PAX3: variants seen among roughly 807,000 people sequenced by gnomAD.
PAX3 encodes paired box protein Pax-3.
In PAX3, 14 loss-of-function variants were observed where a neutral mutation model predicts 51.6. The observed-to-expected ratio is 0.27, with a 90% CI of 0.18 to 0.42. The LOEUF is 0.42. Ranked by LOEUF, PAX3 falls within the 10% of genes least tolerant of loss-of-function variation. PAX3 has a pLI of 1.00. For synonymous variants in PAX3, 280 were observed against 253.4 expected (o/e 1.11, Z -1.00); for missense variants, 540 against 642.8 (o/e 0.84, Z 1.73).
rs45571739 is a variant in PAX3, at chr2:222,271,244, G to A, written c.586+22923C>T. ...TCATAAAGCCATGGTTATATCTGGT[G>A]TAGAACTAGACCTGGGCAGCCTGAT... On this transcript the variant is annotated intron_variant, in intron 4 of 8. Transcript: ENST00000392070. 7.0e-4 allele frequency among the ~76,000 whole-genome samples: 106 copies of A among 152,308 alleles called. No homozygotes were observed. In the Middle Eastern group the frequency reaches 0.017, roughly 24 times the overall value.
chr2:222,271,332 G>C (rs1347145593), intron 4 of PAX3, among the ~76,000 whole-genome samples: 1 of 152,134 alleles, frequency 6.6e-6, no homozygotes, highest in Non-Finnish European at 1.5e-5. Flanking sequence ...TGCAAATCCA[G>C]CTCAACAAGA....
At chr2:222,282,014 A>G (rs1313065095) in intron 4 of PAX3, among the ~76,000 whole-genome samples, 1 of 152,234 alleles carries the variant, frequency 6.6e-6, no homozygotes. Context: ...TGGCAGCAAG[A>G]ACAGTCAAGA....
intron 4 of PAX3, among the ~76,000 whole-genome samples, chr2:222,234,944 G>A (rs1431030743): frequency 2.0e-5 from 3 of 152,062 alleles, no homozygotes; most frequent in African/African-American, 4.8e-5. Flanking sequence ...ACACTCAATA[G>A]CATTTAAAGA....
chr2:222,253,413 A>G (rs931747449), intron 4 of PAX3, among the ~76,000 whole-genome samples: 3 of 152,180 alleles, frequency 2.0e-5, no homozygotes, highest in African/African-American at 7.2e-5. Flanking sequence ...CATTTTAGGC[A>G]TTTTAGAGTA....
intron 4 of PAX3, among the ~76,000 whole-genome samples, chr2:222,289,200 G>T (rs1694940333): frequency 6.6e-6 from 1 of 152,012 alleles, no homozygotes; most frequent in Non-Finnish European, 1.5e-5. Flanking sequence ...GAATCCAATC[G>T]AACGTAAAAC....
At chr2:222,242,026 A>C (rs1307992308) in intron 4 of PAX3, among the ~76,000 whole-genome samples, 3 of 152,256 alleles carry the variant, frequency 2.0e-5, no homozygotes, top group Non-Finnish European at 4.4e-5. Flanking sequence ...AAAAATAAGC[A>C]GATTAAAGTC....
intron 4 of PAX3, among the ~76,000 whole-genome samples, chr2:222,244,719 C>T (rs1433516314): frequency 1.5e-5 from 2 of 132,806 alleles, no homozygotes; most frequent in Admixed American, 8.3e-5. Flanking sequence ...CATAGTCAGA[C>T]AGTATATTGT....
At position 222,260,603 on chromosome 2, in the gene PAX3, T is replaced by G. The variant is rs781007637; in HGVS notation, c.587-28320A>C. On this transcript the variant is annotated intron_variant, in intron 4 of 8. Coordinates refer to ENST00000392070, the MANE Select transcript of PAX3 (RefSeq NM_181458.4). ...GTTTTTTTTTTTTGTTTTTTTTTTT[T>G]TTTTTTGAGGCAAAGTCTCTCTCTG... is the stretch of plus-strand genomic sequence containing the variant. Among the ~76,000 whole-genome samples the G allele has an allele frequency of 5.3e-4, 39 of 73,456 alleles. 1 individual carries two copies. The highest frequency in any genetic ancestry group is 1.2e-3 in the South Asian group (2 of 1,656). The allele number at this position is 73,456 out of a possible 152,430, so 48.2% of individuals were successfully genotyped here. A position where few individuals can be genotyped will look rare whatever the true frequency, so the allele number is the denominator to read the frequency against.
intron 4 of PAX3, chr2:222,265,261 A>C (rs1235989649): frequency 6.6e-6 from 1 of 152,252 alleles, no homozygotes; most frequent in Non-Finnish European, 1.5e-5. Context: ...GTTTCTGGGC[A>C]ACGCCTAGTT....
In PAX3 at chr2:222,297,254, G is replaced by A. The variant is rs1372465213; in HGVS notation, c.86-41C>T. On this transcript the variant is annotated intron_variant, in intron 1 of 8. Coordinates refer to ENST00000392070, the MANE Select transcript of PAX3 (RefSeq NM_181458.4). ...AAAGAGAAGCAAGGGAAAAGTCACT[G>A]GAGGAAAATAAAAAGCAAAGAACAG... The A allele has an allele frequency of 2.1e-6, 3 of 1,438,122 alleles. No individual in the cohort carries two copies. The South Asian group carries it at 3.7e-5, about 18-fold the overall frequency. 89.1% of individuals were successfully genotyped at this position (1,438,122 alleles called of 1,614,324 possible). A position where few individuals can be genotyped will look rare whatever the true frequency, so the allele number is the denominator to read the frequency against.
At chr2:222,267,942 C>T (rs943168330) in intron 4 of PAX3, among the ~76,000 whole-genome samples, 1 of 152,188 alleles carries the variant, frequency 6.6e-6, no homozygotes, top group Admixed American at 6.5e-5. Flanking sequence ...CAGTATATGA[C>T]TGTTTTGTTA....
intron 4 of PAX3, among the ~76,000 whole-genome samples, chr2:222,258,346 TA>T (rs1225432493): frequency 1.3e-5 from 2 of 152,224 alleles, no homozygotes; most frequent in Non-Finnish European, 2.9e-5. Context: ...TTATTATTAT[TA>T]CCCATTATTA....
At chr2:222,212,688 C>T (rs1306498732) in intron 7 of PAX3, among the ~76,000 whole-genome samples, 1 of 151,786 alleles carries the variant, frequency 6.6e-6, no homozygotes, top group Non-Finnish European at 1.5e-5. Flanking sequence ...TAAATCAAGT[C>T]TTCTGTGTCT....
chr2:222,262,248 G>A (rs12617763), intron 4 of PAX3, among the ~76,000 whole-genome samples: 15,804 of 152,134 alleles, frequency 0.1, 999 homozygotes, highest in East Asian at 0.33. Context: ...CATTTTATCA[G>A]TTCTTATGTT....
intron 4 of PAX3, among the ~76,000 whole-genome samples, chr2:222,240,218 C>G (rs1692959610): frequency 6.6e-6 from 1 of 152,124 alleles, no homozygotes; most frequent in South Asian, 2.1e-4. Context: ...CTCCGTTGCT[C>G]CGGAGTTATT....
At chr2:222,260,266 A>G (rs565453998) in intron 4 of PAX3, among the ~76,000 whole-genome samples, 25 of 152,042 alleles carry the variant, frequency 1.6e-4, no homozygotes, top group Middle Eastern at 6.8e-3. Flanking sequence ...AAAAAAAACT[A>G]TAGAAAAATA....
chr2:222,297,379 C>T (rs1051427546), intron 1 of PAX3, among the ~76,000 whole-genome samples, 166 bp from the exon 2 acceptor site: 8 of 152,248 alleles, frequency 5.3e-5, no homozygotes, highest in Non-Finnish European at 8.8e-5. Flanking sequence ...TCCTTTCAAT[C>T]ACATTTGTTC....
chr2:222,206,323 C>A (rs1275636524), intron 7 of PAX3, among the ~76,000 whole-genome samples: 3 of 151,838 alleles, frequency 2.0e-5, no homozygotes, highest in Admixed American at 2.0e-4. Flanking sequence ...TAATAAAGAT[C>A]TCTGCTCTGT....
chr2:222,240,428 T>G (rs1291739767), intron 4 of PAX3, among the ~76,000 whole-genome samples: 4 of 152,196 alleles, frequency 2.6e-5, no homozygotes, highest in Non-Finnish European at 5.9e-5. Flanking sequence ...TTTCTCTGGA[T>G]GGAGTTCTGT....
Sources: allele counts gnomAD v4.1 joint callset (sites outside exome capture counted in the v4.1 genomes callset), GRCh38; gene constraint gnomAD v4.1.1; transcripts MANE v1.5; gene names NCBI Gene and HGNC (gene_info 2026-07-23, HGNC 2026-07-21).